The following OXR1 variants were observed in gnomAD, a reference collection of about 807,000 sequenced individuals.
OXR1 encodes oxidation resistance 1.
A neutral mutation model predicts 104.6 loss-of-function variants in OXR1; 41 were observed. The ratio of observed to expected loss-of-function variants is 0.39; its 90% confidence interval spans 0.31 to 0.51. The LOEUF (loss-of-function observed/expected upper bound fraction) is 0.51. OXR1 is among the 20% of genes least tolerant of loss of function. The pLI is 0.77. For synonymous variants in OXR1, 348 were observed against 348.4 expected (o/e 1.00, Z 0.01); for missense variants, 955 against 1,031.9 (o/e 0.93, Z 1.02).
rs1202950459 is a variant in OXR1, at chr8:106,280,449, A to G, written c.-139+10082A>G. The stretch of plus-strand genomic sequence containing the variant: ...TCTAGTTTTGCTGGCCGTCCCTGGC[A>G]TTTGTTGGTTTATAGACTCATCACA... On this transcript the variant is annotated intron_variant, in intron 1 of 16. Transcript: ENST00000517566. Among the ~76,000 whole-genome samples the G allele has an allele frequency of 2.0e-5, 3 of 152,240 alleles. No homozygotes were observed. The East Asian group carries it at 5.8e-4, about 29-fold the overall frequency.
chr8:106,316,583 T>C (rs1444927398), intron 1 of OXR1, among the ~76,000 whole-genome samples: 2 of 152,204 alleles, frequency 1.3e-5, no homozygotes, highest in Non-Finnish European at 2.9e-5. Flanking sequence ...CCTCATTTTA[T>C]TTCGGTCCCT....
At chr8:106,309,260 G>A (rs1433529078) in intron 1 of OXR1, among the ~76,000 whole-genome samples, 2 of 152,170 alleles carry the variant, frequency 1.3e-5, no homozygotes, top group African/African-American at 2.4e-5. Context: ...GAGATTACAG[G>A]TGTGAGCACT....
intron 2 of OXR1, among the ~76,000 whole-genome samples, chr8:106,431,484 G>A (rs1819357471): frequency 6.6e-6 from 1 of 152,132 alleles, no homozygotes; most frequent in South Asian, 2.1e-4. Context: ...TAAAACGAAT[G>A]AGTTATATTT....
At chr8:106,691,535 T>C (rs1829274965) in intron 6 of OXR1, among the ~76,000 whole-genome samples, 2 of 151,462 alleles carry the variant, frequency 1.3e-5, no homozygotes, top group Non-Finnish European at 1.5e-5. Context: ...GTTCAGACTT[T>C]CAGGTAACCT....
At chr8:106,631,189 T>TACTAATC (rs1822655930) in intron 3 of OXR1, among the ~76,000 whole-genome samples, 1 of 152,222 alleles carries the variant, frequency 6.6e-6, no homozygotes, top group Non-Finnish European at 1.5e-5. Context: ...GTTTGATCAT[T>TACTAATC]ACTAATCCTC....
At chr8:106,529,301 G>T (rs1813920598) in intron 3 of OXR1, among the ~76,000 whole-genome samples, 1 of 152,040 alleles carries the variant, frequency 6.6e-6, no homozygotes, top group African/African-American at 2.4e-5. Context: ...ATTTGATTGG[G>T]ATTTTATTTT....
At chr8:106,343,052 T>C (rs1486977780) in intron 1 of OXR1, among the ~76,000 whole-genome samples, 1 of 152,216 alleles carries the variant, frequency 6.6e-6, no homozygotes, top group African/African-American at 2.4e-5. Context: ...CCTGACTATC[T>C]TTCTGTCCCT....
At chr8:106,743,843 T>C (rs1408620432) in intron 15 of OXR1, among the ~76,000 whole-genome samples, 2 of 152,128 alleles carry the variant, frequency 1.3e-5, no homozygotes, top group Non-Finnish European at 2.9e-5. Context: ...AGACATGGAA[T>C]CAACCTAAAT....
intron 4 of OXR1, among the ~76,000 whole-genome samples, chr8:106,682,264 T>TC (rs1828231139): frequency 1.4e-5 from 2 of 141,568 alleles, no homozygotes; most frequent in Non-Finnish European, 3.1e-5. Context: ...CAGAGCTCTC[T>TC]CTTTTTTTTT....
At chr8:106,438,662 T>C (rs1819671338) in intron 2 of OXR1, among the ~76,000 whole-genome samples, 1 of 152,112 alleles carries the variant, frequency 6.6e-6, no homozygotes, top group South Asian at 2.1e-4. Flanking sequence ...TCTCACAGAT[T>C]TGTTCTTAGT....
chr8:106,638,086 G>T (rs1156537359), intron 3 of OXR1, among the ~76,000 whole-genome samples: 1 of 152,008 alleles, frequency 6.6e-6, no homozygotes, highest in Non-Finnish European at 1.5e-5. Flanking sequence ...TTAACCAGCA[G>T]TTTTGTATTC....
intron 2 of OXR1, among the ~76,000 whole-genome samples, chr8:106,489,791 AG>A (rs1444357762): frequency 1.3e-5 from 2 of 152,210 alleles, no homozygotes; most frequent in African/African-American, 4.8e-5. Context: ...TTTATTAACA[AG>A]GGATTCTTAG....
Position 106,751,989 on chromosome 8 carries a change from C to T in OXR1, c.*1048C>T, listed in dbSNP as rs1486194401. On this transcript the variant is annotated 3_prime_UTR_variant, in exon 17 of 17. Coordinates refer to ENST00000517566, the MANE Select transcript of OXR1 (RefSeq NM_001198533.2). The stretch of plus-strand genomic sequence containing the variant: ...TAACTCAGTAGACTTGTTGAATATG[C>T]AAACTTACTGTCAAGTGACCTCAAA... 1 of 152,196 alleles carries T rather than the reference C, an allele frequency of 6.6e-6. No homozygotes were observed. The highest frequency in any genetic ancestry group is 1.5e-5 in the Non-Finnish European group (1 of 67,880). 9.4% of individuals were successfully genotyped at this position (152,196 alleles called of 1,614,324 possible).
At chr8:106,737,108 G>T (rs976798362) in intron 11 of OXR1, among the ~76,000 whole-genome samples, 2 of 152,050 alleles carry the variant, frequency 1.3e-5, no homozygotes, top group Non-Finnish European at 2.9e-5. Flanking sequence ...AGGATATAAT[G>T]TTTGAGCTCA....
intron 2 of OXR1, chr8:106,448,043 C>T: frequency 1.3e-6 from 2 of 1,535,812 alleles, no homozygotes; most frequent in Non-Finnish European, 1.7e-6. Context: ...ACAAAAACAG[C>T]CCAGGGTAGG....
intron 16 of OXR1, among the ~76,000 whole-genome samples, chr8:106,746,670 G>A (rs1835420704): frequency 6.6e-6 from 1 of 152,200 alleles, no homozygotes; most frequent in South Asian, 2.1e-4. Context: ...CAACTTCTCT[G>A]TAAGTAGGTG....
At chr8:106,575,699 TAAA>T (rs10583625) in intron 3 of OXR1, among the ~76,000 whole-genome samples, 111 of 146,034 alleles carry the variant, frequency 7.6e-4, no homozygotes, top group East Asian at 3.8e-3. Context: ...AAGAATATAT[TAAA>T]AAAAAAAAAA....
intron 3 of OXR1, among the ~76,000 whole-genome samples, chr8:106,646,902 T>C (rs768751553): frequency 1.3e-5 from 2 of 152,242 alleles, no homozygotes; most frequent in Non-Finnish European, 2.9e-5. Flanking sequence ...TTAAGCACCA[T>C]TGGTAATACC....
chr8:106,462,743 A>G (rs900852849), intron 2 of OXR1, among the ~76,000 whole-genome samples: 2 of 152,050 alleles, frequency 1.3e-5, no homozygotes, highest in Non-Finnish European at 2.9e-5. Context: ...GATAGTTGCT[A>G]ATTTTGTGAC....
Sources: allele counts gnomAD v4.1 joint callset (sites outside exome capture counted in the v4.1 genomes callset), GRCh38; gene constraint gnomAD v4.1.1; transcripts MANE v1.5; gene names NCBI Gene and HGNC (gene_info 2026-07-23, HGNC 2026-07-21).